DCLK1: variants seen among roughly 807,000 people sequenced by gnomAD.
The protein encoded by DCLK1 is serine/threonine-protein kinase DCLK1.
DCLK1 carries 16 observed loss-of-function variants against 86.2 expected under a neutral mutation model. The observed-to-expected ratio is 0.19, with a 90% CI of 0.13 to 0.28. The LOEUF is 0.28. DCLK1 is among the 10% of genes least tolerant of loss of function. The pLI is 1.00. For synonymous variants in DCLK1, 369 were observed against 370.5 expected (o/e 1.00, Z 0.05); for missense variants, 590 against 940.2 (o/e 0.63, Z 4.87).
intron 3 of DCLK1, among the ~76,000 whole-genome samples, chr13:36,021,590 G>A (rs1411570501): frequency 6.6e-6 from 1 of 152,048 alleles, no homozygotes; most frequent in African/African-American, 2.4e-5. Flanking sequence ...AAGAGAGCTG[G>A]AGTGGCTATG....
intron 3 of DCLK1, among the ~76,000 whole-genome samples, chr13:36,051,095 T>C (rs1386363083): frequency 6.6e-6 from 1 of 152,228 alleles, no homozygotes; most frequent in Non-Finnish European, 1.5e-5. Flanking sequence ...CCATTTCCTT[T>C]CGTATTATTT....
intron 3 of DCLK1, among the ~76,000 whole-genome samples, chr13:36,106,471 A>G (rs1885399642): frequency 6.6e-6 from 1 of 152,196 alleles, no homozygotes. Context: ...GAGAATTTTA[A>G]TTTGACATTT....
chr13:35,868,101 C>A (rs186423207), intron 5 of DCLK1, among the ~76,000 whole-genome samples: 1,668 of 148,962 alleles, frequency 0.011, 29 homozygotes, highest in African/African-American at 0.038. Context: ...CCGCTCACTG[C>A]AAGCTCCACC....
At chr13:36,112,326 T>G in intron 2 of DCLK1, 111 bp from the exon 3 acceptor site, 1 of 752,996 alleles carries the variant, frequency 1.3e-6, no homozygotes, top group South Asian at 2.5e-5. Flanking sequence ...TAGCCCTGAC[T>G]TTTCAAACAA....
chr13:36,079,378 C>T (rs1345475219), intron 3 of DCLK1, among the ~76,000 whole-genome samples: 2 of 152,096 alleles, frequency 1.3e-5, no homozygotes, highest in East Asian at 3.9e-4. Flanking sequence ...GCCTATAATC[C>T]CAAAACTTTG....
chr13:35,887,732 A>C (rs1873366722), intron 4 of DCLK1, among the ~76,000 whole-genome samples: 1 of 152,090 alleles, frequency 6.6e-6, no homozygotes, highest in Non-Finnish European at 1.5e-5. Context: ...TGTTTTCTTA[A>C]GGACAGAGTT....
intron 8 of DCLK1, among the ~76,000 whole-genome samples, chr13:35,831,234 T>C (rs1868935608): frequency 1.3e-5 from 2 of 152,176 alleles, no homozygotes; most frequent in African/African-American, 4.8e-5. Context: ...TAATGTTGCA[T>C]CTTTTCTTTT....
intron 1 of DCLK1, among the ~76,000 whole-genome samples, chr13:36,126,933 G>GT (rs1886208091): frequency 6.6e-6 from 1 of 152,234 alleles, no homozygotes. Context: ...AGAAATGCTT[G>GT]TACCAGCAAC....
At chr13:36,000,900 A>ACAT (rs1367731179) in intron 3 of DCLK1, among the ~76,000 whole-genome samples, 1 of 152,140 alleles carries the variant, frequency 6.6e-6, no homozygotes, top group Non-Finnish European at 1.5e-5. Flanking sequence ...CATTTTTAAT[A>ACAT]CATTAAGTAT....
At chr13:35,956,886 AC>A (rs1418616747) in intron 3 of DCLK1, among the ~76,000 whole-genome samples, 2 of 152,210 alleles carry the variant, frequency 1.3e-5, no homozygotes, top group Non-Finnish European at 2.9e-5. Context: ...CTGTGGTACT[AC>A]GTAAACCCAT....
chr13:36,031,332 C>A (rs79879630), intron 3 of DCLK1, among the ~76,000 whole-genome samples: 151,375 of 151,378 alleles, frequency 1, 75,686 homozygotes, highest in Middle Eastern at 1. Flanking sequence ...CACACACACA[C>A]AAAAAAAGAC....
intron 3 of DCLK1, among the ~76,000 whole-genome samples, chr13:36,091,949 C>T (rs1267450279): frequency 6.6e-6 from 1 of 152,196 alleles, no homozygotes; most frequent in Non-Finnish European, 1.5e-5. Context: ...GCTTTCCTAG[C>T]CCAGGGCAAT....
intron 3 of DCLK1, among the ~76,000 whole-genome samples, chr13:36,048,904 A>G (rs1048397475): frequency 1.3e-5 from 2 of 152,168 alleles, no homozygotes; most frequent in African/African-American, 4.8e-5. Flanking sequence ...CTCTGGAAAT[A>G]GCTTTGGCTT....
chr13:35,820,832 T>G (rs1394558852), intron 11 of DCLK1, among the ~76,000 whole-genome samples: 1 of 152,240 alleles, frequency 6.6e-6, no homozygotes, highest in Non-Finnish European at 1.5e-5. Flanking sequence ...AAGTCAGGGC[T>G]CAGTCACTTG....
chr13:35,929,126 T>G (rs1164653620), intron 4 of DCLK1, among the ~76,000 whole-genome samples: 1 of 152,168 alleles, frequency 6.6e-6, no homozygotes, highest in Non-Finnish European at 1.5e-5. Flanking sequence ...AGATGGGGTT[T>G]CACCATGTTA....
chr13:36,089,897 A>G (rs9575267), intron 3 of DCLK1, among the ~76,000 whole-genome samples: 37,801 of 152,164 alleles, frequency 0.25, 4,942 homozygotes, highest in East Asian at 0.5. Context: ...CTGGTGACTA[A>G]TCATTATTTC....
chr13:35,848,972 T>C, intron 6 of DCLK1: 2 of 985,324 alleles, frequency 2.0e-6, no homozygotes, highest in Non-Finnish European at 2.4e-6. Flanking sequence ...TGGAAACAGT[T>C]TTAAAACCTG....
chr13:35,841,393 C>T (rs895127658), intron 6 of DCLK1, among the ~76,000 whole-genome samples: 31 of 152,110 alleles, frequency 2.0e-4, no homozygotes, highest in African/African-American at 7.5e-4. Flanking sequence ...ACTCAACCGC[C>T]TTATCAACTA....
At chr13:35,857,871 C>T (rs1375447266) in intron 5 of DCLK1, among the ~76,000 whole-genome samples, 2 of 152,104 alleles carry the variant, frequency 1.3e-5, no homozygotes, top group East Asian at 3.9e-4. Flanking sequence ...ACTGAAGAGA[C>T]TTAAATAACT....
Sources: allele counts gnomAD v4.1 joint callset (sites outside exome capture counted in the v4.1 genomes callset), GRCh38; gene constraint gnomAD v4.1.1; transcripts MANE v1.5; gene names NCBI Gene and HGNC (gene_info 2026-07-23, HGNC 2026-07-21).